PTPRT: variants seen among roughly 807,000 people sequenced by gnomAD.
PTPRT encodes protein tyrosine phosphatase receptor type T.
In PTPRT, 56 loss-of-function variants were observed where a neutral mutation model predicts 176.8. That is an observed-to-expected ratio of 0.32 (90% CI 0.26 to 0.40). PTPRT has a LOEUF of 0.40. PTPRT is among the 10% of genes least tolerant of loss of function. The probability of loss-of-function intolerance (pLI) is 1.00; values close to 1 mark genes in which losing one functional copy is unlikely to be tolerated. For missense variants in PTPRT, 1,540 were observed against 1,908.2 expected, an observed-to-expected ratio of 0.81 and a Z score of 3.60; for synonymous variants, 783 against 739.0, an observed-to-expected ratio of 1.06 and a Z score of -0.96.
At position 42,115,347 on chromosome 20, in the gene PTPRT, A is replaced by G. The variant is rs898228221; in HGVS notation, c.2983-32T>C. ...CCAAGTGAGAGACAGAGACAGAGAC[A>G]GAACAGAGACAAGGATGCATAAGCA... On this transcript the variant is annotated intron_variant, in intron 21 of 30. Coordinates refer to ENST00000373187, the MANE Select transcript of PTPRT (RefSeq NM_007050.6). 2.6e-6 allele frequency: 4 copies of G among 1,522,040 alleles called. No individual in the cohort carries two copies. The African/African-American group carries it at 5.5e-5, about 21-fold the overall frequency. The allele number at this position is 1,522,040 out of a possible 1,614,324, so 94.3% of individuals were successfully genotyped here.
intron 24 of PTPRT, among the ~76,000 whole-genome samples, chr20:42,105,381 G>A (rs6072628): frequency 0.17 from 26,158 of 152,082 alleles, 2,418 homozygotes; most frequent in Non-Finnish European, 0.22. Flanking sequence ...CTCCCAAAAC[G>A]TGTCATATCT....
intron 1 of PTPRT, among the ~76,000 whole-genome samples, chr20:43,167,322 A>G (rs1022574711): frequency 6.6e-6 from 1 of 152,188 alleles, no homozygotes; most frequent in African/African-American, 2.4e-5. Flanking sequence ...AAGTAACCAG[A>G]TCAAATCTAT....
At chr20:43,011,961 C>T (rs920166100) in intron 1 of PTPRT, among the ~76,000 whole-genome samples, 4 of 152,190 alleles carry the variant, frequency 2.6e-5, no homozygotes, top group Non-Finnish European at 5.9e-5. Context: ...AGTTCTTCAG[C>T]TTTTGGACTT....
At chr20:42,270,486 T>C (rs565277746) in intron 13 of PTPRT, 29 of 1,546,896 alleles carry the variant, frequency 1.9e-5, no homozygotes, top group Non-Finnish European at 2.4e-5. Context: ...CCAGGCAGCA[T>C]GCAGAAGAGA....
At chr20:42,276,558 T>TATATATATATATA (rs1568731969) in intron 13 of PTPRT, among the ~76,000 whole-genome samples, 1 of 91,280 alleles carries the variant, frequency 1.1e-5, no homozygotes, top group Non-Finnish European at 2.3e-5. Flanking sequence ...TATATATATA[T>TATATATATATATA]AATGTTCTTG....
At position 42,946,815 on chromosome 20, in the gene PTPRT, T is replaced by C. The variant is rs572513716; in HGVS notation, c.89-60883A>G. Among the ~76,000 whole-genome samples, 139 of 152,308 alleles carry C rather than the reference T, an allele frequency of 9.1e-4. 1 individual carries two copies. Among genetic ancestry groups the C allele is most frequent in the Middle Eastern group, 6.8e-3 (2 of 294 alleles). ...TTTCTCAACTTCAATCACCGCACTG[T>C]TGACATTTTGAGCAAGGTATTTGCC... On this transcript the variant is annotated intron_variant, in intron 1 of 30. Coordinates refer to ENST00000373187, the MANE Select transcript of PTPRT (RefSeq NM_007050.6).
intron 18 of PTPRT, among the ~76,000 whole-genome samples, chr20:42,134,781 C>T (rs1423400095): frequency 6.6e-6 from 1 of 152,182 alleles, no homozygotes; most frequent in Non-Finnish European, 1.5e-5. Context: ...ATTTAACAAT[C>T]TGCTTTTGCA....
At chr20:42,592,221 C>T (rs927876314) in intron 7 of PTPRT, among the ~76,000 whole-genome samples, 1 of 151,762 alleles carries the variant, frequency 6.6e-6, no homozygotes, top group Non-Finnish European at 1.5e-5. Flanking sequence ...GTGATCCTCC[C>T]GCCTCAGCCT....
chr20:42,180,092 G>A (rs2867063), intron 16 of PTPRT, among the ~76,000 whole-genome samples: 51,138 of 152,020 alleles, frequency 0.34, 9,045 homozygotes, highest in Admixed American at 0.38. Context: ...AGAAGGCTAG[G>A]CTAGTGGTGA....
At chr20:42,115,380 G>A in intron 21 of PTPRT, 65 bp from the exon 22 acceptor site, 1 of 1,224,034 alleles carries the variant, frequency 8.2e-7, no homozygotes, top group Non-Finnish European at 1.2e-6. Context: ...GCACATGGCT[G>A]AGTGTGAGCA....
At chr20:42,853,012 T>C (rs571879254) in intron 2 of PTPRT, among the ~76,000 whole-genome samples, 31 of 152,322 alleles carry the variant, frequency 2.0e-4, no homozygotes, top group African/African-American at 7.5e-4. Context: ...ATGGGGATGC[T>C]GAGAGTCAGA....
rs1982793849 is a variant in PTPRT, at chr20:42,076,555, C to G, written c.*4324G>C. The G allele has an allele frequency of 5.0e-6, 1 of 198,590 alleles. No homozygotes were observed. Among genetic ancestry groups the G allele is most frequent in the African/African-American group, 2.3e-5 (1 of 43,318 alleles). The allele number at this position is 198,590 out of a possible 1,614,324, so 12.3% of individuals were successfully genotyped here. Reference sequence around the variant, plus strand: ...GAACAGTGAGGTCAGAGCACCCACACACCAAAGGAGCTGCCTAGGAGAAGG... The same window carrying G: ...GAACAGTGAGGTCAGAGCACCCACAGACCAAAGGAGCTGCCTAGGAGAAGG... On this transcript the variant is annotated 3_prime_UTR_variant, in exon 31 of 31. Transcript: ENST00000373187.
At chr20:42,273,383 T>G (rs945002244) in intron 13 of PTPRT, among the ~76,000 whole-genome samples, 3 of 152,132 alleles carry the variant, frequency 2.0e-5, no homozygotes, top group Non-Finnish European at 4.4e-5. Flanking sequence ...GCCAAGCTAA[T>G]TTTGTATTTT....
At chr20:42,704,824 C>T (rs2076027143) in intron 6 of PTPRT, among the ~76,000 whole-genome samples, 1 of 152,184 alleles carries the variant, frequency 6.6e-6, no homozygotes, top group Non-Finnish European at 1.5e-5. Context: ...CAGGTATTGG[C>T]TGTTTACTTT....
the PTPRT span, among the ~76,000 whole-genome samples, chr20:42,038,245 GC>G: frequency 6.6e-6 from 1 of 152,156 alleles, no homozygotes; most frequent in African/African-American, 2.4e-5. Context: ...AAGGAGATCG[GC>G]TCAGAGAGGT....
chr20:42,570,290 C>T (rs1180447954), intron 7 of PTPRT, among the ~76,000 whole-genome samples: 1 of 152,192 alleles, frequency 6.6e-6, no homozygotes, highest in African/African-American at 2.4e-5. Flanking sequence ...CTACCCTTCA[C>T]TCCAGAGCTC....
intron 1 of PTPRT, among the ~76,000 whole-genome samples, chr20:42,931,720 A>G (rs542374069): frequency 1.4e-4 from 22 of 152,212 alleles, no homozygotes; most frequent in Non-Finnish European, 1.9e-4. Context: ...GTTAGATGAG[A>G]GGACACAGCG....
chr20:43,090,787 C>T (rs2011810926), intron 1 of PTPRT, among the ~76,000 whole-genome samples: 1 of 151,962 alleles, frequency 6.6e-6, no homozygotes, highest in African/African-American at 2.4e-5. Context: ...AAACAAATAT[C>T]CATCTACTAG....
At chr20:42,444,287 T>C (rs1223625599) in intron 9 of PTPRT, among the ~76,000 whole-genome samples, 2 of 140,576 alleles carry the variant, frequency 1.4e-5, no homozygotes, top group African/African-American at 5.5e-5. Context: ...GGCTGGCTTA[T>C]AGGCAAGAAT....
Sources: allele counts gnomAD v4.1 joint callset (sites outside exome capture counted in the v4.1 genomes callset), GRCh38; gene constraint gnomAD v4.1.1; transcripts MANE v1.5; gene names NCBI Gene and HGNC (gene_info 2026-07-23, HGNC 2026-07-21).